CP: variants seen among roughly 807,000 people sequenced by gnomAD.
The protein encoded by CP is ceruloplasmin, also known as caeruloplasmin.
Under a neutral mutation model 122.4 loss-of-function variants are expected in CP, and 64 were observed. That is an observed-to-expected ratio of 0.52 (90% CI 0.43 to 0.64). The LOEUF is 0.64. Among genes scored for constraint, CP ranks in the 30% least tolerant of loss-of-function variants. The probability of loss-of-function intolerance (pLI) is 0.00; values close to 1 mark genes in which losing one functional copy is unlikely to be tolerated. For synonymous variants in CP, 440 were observed against 436.4 expected, an observed-to-expected ratio of 1.01 and a Z score of -0.10; for missense variants, 1,167 against 1,284.4, an observed-to-expected ratio of 0.91 and a Z score of 1.40.
chr3:149,176,073 C>G, intron 18 of CP, 177 bp downstream of exon 18: 1 of 623,588 alleles, frequency 1.6e-6, no homozygotes, highest in Non-Finnish European at 2.9e-6. Flanking sequence ...GAGCAGTATC[C>G]CTCACCATTT....
downstream of CP, among the ~76,000 whole-genome samples, chr3:149,170,028 C>A (rs76876937): frequency 0.064 from 9,797 of 152,156 alleles, 468 homozygotes; most frequent in South Asian, 0.2. Context: ...TTTTCCCAAC[C>A]CTAAATCAGG....
intron 16 of CP, 80 bp from the exon 17 acceptor site, chr3:149,178,059 G>C: frequency 7.6e-7 from 1 of 1,309,012 alleles, no homozygotes; most frequent in Non-Finnish European, 1.1e-6. Context: ...ATGATTATTA[G>C]GTTAATGTAA....
At chr3:149,185,142 C>CTTT in intron 12 of CP, 97 bp downstream of exon 12, 30 of 888,458 alleles carry the variant, frequency 3.4e-5, no homozygotes, top group South Asian at 6.8e-5. Flanking sequence ...TTTAATGCAA[C>CTTT]TTTTTTTTTT....
In CP at chr3:149,178,595, A is replaced by G; in HGVS notation, c.2698T>C (p.Cys900Arg). 3.1e-6 allele frequency: 5 copies of G among 1,613,518 alleles called. No homozygotes were observed. Among genetic ancestry groups the G allele is most frequent in the Non-Finnish European group, 3.4e-6 (4 of 1,179,610 alleles). ...AATACTTTCAAGTAAGGTCTTCGAC[A>G]AACAATCAGGGGGCCAATTAATCCA... ...YSGLIGPLIV[C>R]RRPYLKVFNP... Residue 900 changes from cysteine to arginine, a missense_variant, in exon 16 of 19, where the codon TGT becomes CGT. Physicochemically the swap from Cys to Arg is radical, Grantham distance 180. This residue lies in a region of CP where 525 missense variants were observed against 657.2 expected (regional missense o/e 0.80). Coordinates refer to ENST00000264613, the MANE Select transcript of CP (RefSeq NM_000096.4).
At position 149,184,028 on chromosome 3, in the gene CP, C is replaced by CTTTTTTTTTTTT. The variant is rs869206210; in HGVS notation, c.2286-435_2286-424dup. ...CCAGGCATTCCCTTTTCACTTACTT[C>CTTTTTTTTTTTT]TTTTTTTTTTTTTTTTTTTTTTTTT... is the stretch of plus-strand genomic sequence containing the variant. On this transcript the variant is annotated intron_variant, in intron 12 of 18. Transcript: ENST00000264613. Among the ~76,000 whole-genome samples the CTTTTTTTTTTTT allele has an allele frequency of 7.1e-4, 45 of 63,622 alleles. 3 individuals carry two copies. Among genetic ancestry groups the CTTTTTTTTTTTT allele is most frequent in the South Asian group, 1.3e-3 (2 of 1,536 alleles). 41.7% of individuals were successfully genotyped at this position (63,622 alleles called of 152,430 possible). A position where few individuals can be genotyped will look rare whatever the true frequency, so the allele number is the denominator to read the frequency against.
intron 5 of CP, 62 bp downstream of exon 5, chr3:149,207,301 A>T: frequency 6.2e-7 from 1 of 1,606,860 alleles, no homozygotes; most frequent in Non-Finnish European, 8.5e-7. Flanking sequence ...TAGCTTTTAG[A>T]TTCTGATTCC....
chr3:149,212,286 G>A (rs1167525979), intron 2 of CP, among the ~76,000 whole-genome samples, 165 bp downstream of exon 2: 1 of 151,658 alleles, frequency 6.6e-6, no homozygotes, highest in Admixed American at 6.6e-5. Context: ...ACTCCAGCCT[G>A]GGTGACAGAA....
chr3:149,180,673 C>G (rs568492675), intron 14 of CP, among the ~76,000 whole-genome samples: 61 of 151,990 alleles, frequency 4.0e-4, no homozygotes, highest in Non-Finnish European at 8.1e-4. Context: ...CTGAGCTGTT[C>G]CTATGTCCTC....
downstream of CP, among the ~76,000 whole-genome samples, chr3:149,171,478 A>G (rs1724983003): frequency 6.6e-6 from 1 of 152,204 alleles, no homozygotes; most frequent in South Asian, 2.1e-4. Context: ...AGAATATTCA[A>G]ATGATTGTAC....
intron 1 of CP, among the ~76,000 whole-genome samples, chr3:149,214,042 C>T (rs1342733619): frequency 1.3e-5 from 2 of 152,298 alleles, no homozygotes; most frequent in East Asian, 3.9e-4. Context: ...GCATTATTAA[C>T]CAACACACTG....
exon 6 of CP, chr3:149,162,841 C>G: frequency 1.9e-6 from 3 of 1,614,020 alleles, no homozygotes; most frequent in Non-Finnish European, 2.5e-6. Flanking sequence ...AAGAGGCAGC[C>G]TCCTGACACC....
At chr3:149,215,499 G>A (rs1470757858) in intron 1 of CP, among the ~76,000 whole-genome samples, 2 of 152,124 alleles carry the variant, frequency 1.3e-5, no homozygotes, top group African/African-American at 4.8e-5. Context: ...ATTGCAATAT[G>A]CAAACTGCTT....
chr3:149,181,979 ACCCCCACCCCCG>A lies in CP; in HGVS notation c.2554+14_2554+25del. On this transcript the variant is annotated intron_variant, in intron 14 of 18. Transcript: ENST00000264613. ...GCTGTACAGCCTGTTAAAATGCACCACCCCCACCCCCGCCCCCGTGAGTACCTGGTAATGTTG... is the reference window on the plus strand; with the variant it reads ...GCTGTACAGCCTGTTAAAATGCACCACCCCCGTGAGTACCTGGTAATGTTG... The A allele has an allele frequency of 1.9e-6, 1 of 515,784 alleles. No individual in the cohort carries two copies. Among genetic ancestry groups the A allele is most frequent in the Non-Finnish European group, 3.7e-6 (1 of 267,532 alleles). 32.0% of individuals were successfully genotyped at this position (515,784 alleles called of 1,614,324 possible).
intron 18 of CP, among the ~76,000 whole-genome samples, chr3:149,175,467 T>A (rs1334196289): frequency 6.6e-6 from 1 of 152,208 alleles, no homozygotes; most frequent in Non-Finnish European, 1.5e-5. Flanking sequence ...ATTTATATTT[T>A]CTTCATTTGT....
In CP at chr3:149,212,682, A is replaced by G; in HGVS notation, c.163T>C (p.Tyr55His). ...ISVDTEHSNI[Y>H]LQNGPDRIGR... ...ATTCTATCTGGGCCATTTTGAAGATAGATATTGGAATGTTCCCTGCAAAGA... is the reference window on the plus strand; with the variant it reads ...ATTCTATCTGGGCCATTTTGAAGATGGATATTGGAATGTTCCCTGCAAAGA... The change falls in exon 2 of 19, where the codon TAT becomes CAT. Residue 55 changes from tyrosine (Y) to histidine (H), a missense_variant. Tyr to His is a moderately conservative substitution (Grantham distance 83). This residue lies in a region of CP where 642 missense variants were observed against 627.3 expected (regional missense o/e 1.02). Coordinates refer to ENST00000264613, the MANE Select transcript of CP (RefSeq NM_000096.4). 1 of 1,613,812 alleles carries G rather than the reference A, an allele frequency of 6.2e-7. No individual in the cohort carries two copies. Among genetic ancestry groups the G allele is most frequent in the Non-Finnish European group, 8.5e-7 (1 of 1,179,938 alleles).
Position 149,182,000 on chromosome 3 carries a change from A to G in CP, c.2554+5T>C. 3.2e-6 allele frequency: 1 copy of G among 309,646 alleles called. No individual in the cohort carries two copies. Among genetic ancestry groups the G allele is most frequent in the Non-Finnish European group, 5.1e-6 (1 of 195,628 alleles). The allele number at this position is 309,646 out of a possible 1,614,324, so 19.2% of individuals were successfully genotyped here. A position where few individuals can be genotyped will look rare whatever the true frequency, so the allele number is the denominator to read the frequency against. On this transcript the variant is annotated splice_donor_5th_base_variant and intron_variant, in intron 14 of 18. Coordinates refer to ENST00000264613, the MANE Select transcript of CP (RefSeq NM_000096.4). ...CACCACCCCCACCCCCGCCCCCGTG[A>G]GTACCTGGTAATGTTGGAGTAACTG...
downstream of CP, chr3:149,168,043 A>C (rs1229882816): frequency 3.1e-6 from 3 of 962,668 alleles, no homozygotes; most frequent in Non-Finnish European, 3.4e-6. Context: ...AATTTGGTGA[A>C]GCCTTCTTAA....
intron 14 of CP, 32 bp downstream of exon 14, chr3:149,181,973 T>TGGGGGGGGGGGGGGGGC: frequency 7.3e-7 from 1 of 1,375,574 alleles, no homozygotes; most frequent in Non-Finnish European, 1.0e-6. Flanking sequence ...CCTGTTAAAA[T>TGGGGGGGGGGGGGGGGC]GCACCACCCC....
chr3:149,217,626 T>G (rs1227002673), intron 1 of CP, among the ~76,000 whole-genome samples: 1 of 152,244 alleles, frequency 6.6e-6, no homozygotes, highest in East Asian at 1.9e-4. Context: ...TGTGGCTGAA[T>G]GCTTGAATAA....
Sources: gnomAD v4.1 joint callset for allele counts (sites outside exome capture counted in the v4.1 genomes callset) on GRCh38, gnomAD v4.1.1 for gene constraint, gnomAD v4.1.1 regional missense constraint, MANE v1.5 for transcripts, NCBI Gene and HGNC (gene_info 2026-07-23, HGNC 2026-07-21) for gene names.